Variants in TMEM132D observed in about 807,000 individuals in gnomAD.
TMEM132D encodes mature OL transmembrane protein.
TMEM132D carries 21 observed loss-of-function variants against 62.3 expected under a neutral mutation model. The ratio of observed to expected loss-of-function variants is 0.34; its 90% CI spans 0.24 to 0.49. The LOEUF (loss-of-function observed/expected upper bound fraction) is 0.49. TMEM132D is among the 20% of genes least tolerant of loss of function. The pLI is 0.99. For synonymous variants in TMEM132D, 621 were observed against 575.6 expected, an observed-to-expected ratio of 1.08 and a Z score of -1.13; for missense variants, 1,346 against 1,402.8, an observed-to-expected ratio of 0.96 and a Z score of 0.65.
chr12:129,647,938 T>C (rs140759533), intron 2 of TMEM132D, among the ~76,000 whole-genome samples: 285 of 152,310 alleles, frequency 1.9e-3, no homozygotes, highest in African/African-American at 6.6e-3. Flanking sequence ...TTTCTGGGCA[T>C]AGGCTGCACT....
intron 3 of TMEM132D, among the ~76,000 whole-genome samples, chr12:129,509,945 C>T (rs562631172): frequency 6.6e-6 from 1 of 152,306 alleles, no homozygotes; most frequent in African/African-American, 2.4e-5. Flanking sequence ...CTGCAGATAT[C>T]TCTTTGATAT....
intron 4 of TMEM132D, among the ~76,000 whole-genome samples, chr12:129,244,258 C>T (rs376562390): frequency 0.019 from 2,944 of 151,390 alleles, 84 homozygotes; most frequent in African/African-American, 0.061. Flanking sequence ...TGGTGGCGGG[C>T]GCCTGTAGTC....
chr12:129,315,953 G>T (rs916737632), intron 4 of TMEM132D, among the ~76,000 whole-genome samples: 2 of 152,074 alleles, frequency 1.3e-5, no homozygotes, highest in Non-Finnish European at 2.9e-5. Context: ...AACCTTGAAT[G>T]ATTTTTTGTA....
At chr12:129,311,681 G>A (rs1214753131) in intron 4 of TMEM132D, among the ~76,000 whole-genome samples, 2 of 152,144 alleles carry the variant, frequency 1.3e-5, no homozygotes, top group East Asian at 1.9e-4. Context: ...GTGGTGGGGC[G>A]ACACTGATTA....
At chr12:129,135,496 G>A (rs183709911) in intron 5 of TMEM132D, among the ~76,000 whole-genome samples, 3 of 152,180 alleles carry the variant, frequency 2.0e-5, no homozygotes, top group Non-Finnish European at 2.9e-5. Context: ...GTTAGCAATC[G>A]CTGGCACAAG....
At chr12:129,778,088 C>G (rs1039773759) in intron 1 of TMEM132D, among the ~76,000 whole-genome samples, 5 of 132,016 alleles carry the variant, frequency 3.8e-5, no homozygotes, top group African/African-American at 1.4e-4. Flanking sequence ...GCACTCCAGC[C>G]TGGGCAACAG....
At chr12:129,088,852 G>GA (rs1237528753) in intron 5 of TMEM132D, among the ~76,000 whole-genome samples, 1 of 33,196 alleles carries the variant, frequency 3.0e-5, no homozygotes, top group Non-Finnish European at 5.0e-5. Flanking sequence ...CCATGACCGG[G>GA]TGTCCTCCAT....
At chr12:129,617,456 T>C (rs1164832886) in intron 2 of TMEM132D, among the ~76,000 whole-genome samples, 2 of 152,310 alleles carry the variant, frequency 1.3e-5, no homozygotes, top group East Asian at 3.9e-4. Flanking sequence ...TTTAACAGAA[T>C]GCCACAGACT....
At chr12:129,524,370 C>T (rs906034295) in intron 3 of TMEM132D, among the ~76,000 whole-genome samples, 15 of 152,112 alleles carry the variant, frequency 9.9e-5, no homozygotes, top group African/African-American at 2.2e-4. Flanking sequence ...ATTACATGAG[C>T]GGTAACATAT....
chr12:129,836,513 TGTGC>T (rs951962216), intron 1 of TMEM132D, among the ~76,000 whole-genome samples: 3 of 151,850 alleles, frequency 2.0e-5, no homozygotes, highest in African/African-American at 7.3e-5. Context: ...TGTGTGTGTG[TGTGC>T]GCGCGTGTGT....
At chr12:129,103,797 T>A (rs1223658459) in intron 5 of TMEM132D, among the ~76,000 whole-genome samples, 1 of 149,008 alleles carries the variant, frequency 6.7e-6, no homozygotes, top group African/African-American at 2.5e-5. Context: ...CACAATTGCT[T>A]CAAAGAGAAT....
chr12:129,641,111 G>A lies in TMEM132D; in HGVS notation c.968+58699C>T, dbSNP rs553066958. Among the ~76,000 whole-genome samples, 6 of 152,082 alleles carry A rather than the reference G, an allele frequency of 3.9e-5. No homozygotes were observed. In the South Asian group the frequency reaches 6.2e-4, roughly 16 times the overall value. ...AACAAGTGCACAATAAATGTAAAGT[G>A]CTGAAATAATCCTGAAATCATCCTC... is the stretch of plus-strand genomic sequence containing the variant. On this transcript the variant is annotated intron_variant, in intron 2 of 8. Transcript: ENST00000422113.
intron 4 of TMEM132D, among the ~76,000 whole-genome samples, chr12:129,298,943 T>C (rs1881641221): frequency 6.6e-6 from 1 of 152,234 alleles, no homozygotes; most frequent in South Asian, 2.1e-4. Flanking sequence ...ACACGGTCAC[T>C]GGCAAGGGCT....
intron 3 of TMEM132D, among the ~76,000 whole-genome samples, chr12:129,523,112 GCA>G (rs59081530): frequency 0.57 from 86,529 of 151,474 alleles, 25,345 homozygotes; most frequent in Non-Finnish European, 0.63. Context: ...ACACGCACGT[GCA>G]CACACACACA....
At chr12:129,398,095 A>C (rs770484787) in intron 3 of TMEM132D, among the ~76,000 whole-genome samples, 3 of 152,218 alleles carry the variant, frequency 2.0e-5, no homozygotes, top group Non-Finnish European at 4.4e-5. Context: ...TGTGCTGAGG[A>C]CAGGAGACAC....
chr12:129,363,393 T>C (rs1435831404), intron 3 of TMEM132D, among the ~76,000 whole-genome samples: 1 of 152,260 alleles, frequency 6.6e-6, no homozygotes, highest in Non-Finnish European at 1.5e-5. Context: ...TCTTTAAGCA[T>C]GCAGTTGAAT....
intron 1 of TMEM132D, among the ~76,000 whole-genome samples, chr12:129,881,259 A>T (rs1874587730): frequency 6.6e-6 from 1 of 152,086 alleles, no homozygotes; most frequent in Non-Finnish European, 1.5e-5. Context: ...TAACTATTAG[A>T]GCAATGTTGA....
chr12:129,797,747 A>C (rs1871609708), intron 1 of TMEM132D, among the ~76,000 whole-genome samples: 1 of 152,182 alleles, frequency 6.6e-6, no homozygotes, highest in African/African-American at 2.4e-5. Context: ...AACCTGGAAG[A>C]GGGCAGGCAT....
At chr12:129,876,109 A>G (rs1325856968) in intron 1 of TMEM132D, among the ~76,000 whole-genome samples, 3 of 152,222 alleles carry the variant, frequency 2.0e-5, no homozygotes, top group Non-Finnish European at 4.4e-5. Flanking sequence ...TAGTTCCAGA[A>G]ACAAGACATA....
Sources: allele counts gnomAD v4.1 joint callset (sites outside exome capture counted in the v4.1 genomes callset), GRCh38; gene constraint gnomAD v4.1.1; transcripts MANE v1.5; gene names NCBI Gene and HGNC (gene_info 2026-07-23, HGNC 2026-07-21).